The following EIF5 variants were observed in gnomAD, a reference collection of about 807,000 sequenced individuals.
EIF5 encodes the protein eukaryotic translation initiation factor 5.
In EIF5, 10 loss-of-function variants were observed where a neutral mutation model predicts 48.3. The observed-to-expected ratio is 0.21, with a 90% CI of 0.13 to 0.35. The LOEUF (loss-of-function observed/expected upper bound fraction) is 0.35, where lower values mean the gene tolerates loss of function less well. EIF5 is among the 10% of genes least tolerant of loss of function. The probability of loss-of-function intolerance (pLI) is 1.00; values close to 1 mark genes in which losing one functional copy is unlikely to be tolerated. For synonymous variants in EIF5, 237 were observed against 173.1 expected, an observed-to-expected ratio of 1.37 and a Z score of -2.90; for missense variants, 397 against 533.2, an observed-to-expected ratio of 0.74 and a Z score of 2.51.
Position 103,335,700 on chromosome 14 carries a change from A to G in EIF5, c.-161A>G. On this transcript the variant is annotated 5_prime_UTR_variant, in exon 3 of 12. Transcript: ENST00000216554. ...CCTGTATTGGGGAAACATAGCATACAAGCAAGAAGCTTACAGCCTCAGTGG... is the reference window on the plus strand; with the variant it reads ...CCTGTATTGGGGAAACATAGCATACGAGCAAGAAGCTTACAGCCTCAGTGG... The G allele has an allele frequency of 1.5e-6, 1 of 669,276 alleles. No individual in the cohort carries two copies. The highest frequency in any genetic ancestry group is 1.8e-5 in the South Asian group (1 of 54,338). 41.5% of individuals were successfully genotyped at this position (669,276 alleles called of 1,614,324 possible). A position where few individuals can be genotyped will look rare whatever the true frequency, so the allele number is the denominator to read the frequency against.
intron 6 of EIF5, chr14:103,338,109 C>T: frequency 4.3e-6 from 3 of 697,708 alleles, no homozygotes; most frequent in South Asian, 3.4e-5. Context: ...TACAATACCC[C>T]TAATATTTTG....
At chr14:103,336,362 C>T (rs192165367) in intron 4 of EIF5, 265 of 580,470 alleles carry the variant, frequency 4.6e-4, no homozygotes, top group African/African-American at 4.3e-3. Context: ...GCAAGCGGAT[C>T]GCGAGGTCAG....
chr14:103,336,283 G>A (rs762125835), intron 4 of EIF5, 166 bp downstream of exon 4: 23 of 753,636 alleles, frequency 3.1e-5, no homozygotes, highest in Middle Eastern at 3.7e-4. Context: ...CCAGGGGAAC[G>A]CATTTAAAGA....
In EIF5 at chr14:103,336,807, A is replaced by G. The variant is rs193302424; in HGVS notation, c.285A>G (p.Lys95=). The change falls in exon 5 of 12, where the codon AAA becomes AAG. Residue 95 remains lysine (K), a synonymous_variant. Coordinates refer to ENST00000216554, the MANE Select transcript of EIF5 (RefSeq NM_001969.5). ...ACATGTTGGATGGATTCATTAAAAAATTTGTTCTCTGTCCTGAATGTGAGA... is the reference window on the plus strand; with the variant it reads ...ACATGTTGGATGGATTCATTAAAAAGTTTGTTCTCTGTCCTGAATGTGAGA... The part of the protein sequence containing the change: ...LQDMLDGFIK[K]FVLCPECENP... The G allele has an allele frequency of 4.9e-5, 79 of 1,614,056 alleles. No individual in the cohort carries two copies. In the East Asian group the frequency reaches 1.2e-3, roughly 25 times the overall value.
Position 103,339,153 on chromosome 14 carries a change from G to C in EIF5, c.745-19G>C, listed in dbSNP as rs191929257. 10 of 1,599,302 alleles carry C rather than the reference G, an allele frequency of 6.3e-6. No individual in the cohort carries two copies. In the African/African-American group the frequency reaches 1.4e-4, roughly 22 times the overall value. ...AAGTGTGCCTCCATTGCACTGAATT[G>C]TTTTCCTTTTCTTTGCAGAAAAAGA... On this transcript the variant is annotated intron_variant, in intron 8 of 11. Transcript: ENST00000216554.
rs1038345413 is a variant in EIF5, at chr14:103,344,718, C to T, written c.*3666C>T. On this transcript the variant is annotated 3_prime_UTR_variant, in exon 12 of 12. Coordinates refer to ENST00000216554, the MANE Select transcript of EIF5 (RefSeq NM_001969.5). ...GGTCAGTTAACTAAAAAATAAAAAT[C>T]AAGTCTTTAGGAGAGTAGAAAACAC... The T allele has an allele frequency of 6.6e-6, 1 of 151,932 alleles. No individual in the cohort carries two copies. Among genetic ancestry groups the T allele is most frequent in the African/African-American group, 2.4e-5 (1 of 41,330 alleles). The allele number at this position is 151,932 out of a possible 1,614,324, so 9.4% of individuals were successfully genotyped here.
At chr14:103,337,873 C>T (rs1225164594) in intron 6 of EIF5, 4 of 520,518 alleles carry the variant, frequency 7.7e-6, no homozygotes, top group South Asian at 4.2e-5. Flanking sequence ...GGCAGATGAT[C>T]AAAACTGTCT....
At chr14:103,339,093 C>A in intron 8 of EIF5, 79 bp from the exon 9 acceptor site, 1 of 1,521,430 alleles carries the variant, frequency 6.6e-7, no homozygotes, top group Non-Finnish European at 8.8e-7. Context: ...ATATGTTCAT[C>A]AGAGCAGGGA....
At chr14:103,336,999 G>C in intron 5 of EIF5, 117 bp from the exon 6 acceptor site, 1 of 1,344,290 alleles carries the variant, frequency 7.4e-7, no homozygotes, top group Non-Finnish European at 1.0e-6. Flanking sequence ...TTTTTTTAAA[G>C]TAGGTCACTG....
In EIF5 at chr14:103,344,447, C is replaced by G. The variant is rs776033122; in HGVS notation, c.*3395C>G. 5 of 152,198 alleles carry G rather than the reference C, an allele frequency of 3.3e-5. No individual in the cohort carries two copies. The highest frequency in any genetic ancestry group is 7.3e-5 in the Non-Finnish European group (5 of 68,058). The allele number at this position is 152,198 out of a possible 1,614,324, so 9.4% of individuals were successfully genotyped here. On this transcript the variant is annotated 3_prime_UTR_variant, in exon 12 of 12. Coordinates refer to ENST00000216554, the MANE Select transcript of EIF5 (RefSeq NM_001969.5). ...GAGTTGACCCTGCAGTTCGGTTATG[C>G]AGTCAATTATTTCTTTTTAAGAGGA...
Position 103,338,423 on chromosome 14 carries a change from C to G in EIF5, c.536C>G (p.Pro179Arg). The change falls in exon 7 of 12, where the codon CCA becomes CGA. Residue 179 changes from proline (P) to arginine (R), a missense_variant. Around this residue, in one of 4 missense-constraint regions of EIF5, gnomAD observed 126 missense variants for 141.9 expected, o/e 0.89. Coordinates refer to ENST00000216554, the MANE Select transcript of EIF5 (RefSeq NM_001969.5). The stretch of plus-strand genomic sequence containing the variant: ...GGCTCCGTATCCAGCAGTGAGACAC[C>G]ACCACCACCACCACCACCAAATGAA... ...ENGSVSSSET[P>R]PPPPPPNEIN... 1 of 1,589,058 alleles carries G rather than the reference C, an allele frequency of 6.3e-7. No individual in the cohort carries two copies. Among genetic ancestry groups the G allele is most frequent in the African/African-American group, 1.4e-5 (1 of 73,828 alleles).
At chr14:103,340,378 A>G in intron 10 of EIF5, 49 bp from the exon 11 acceptor site, 1 of 1,577,042 alleles carries the variant, frequency 6.3e-7, no homozygotes, top group Non-Finnish European at 8.7e-7. Flanking sequence ...TAAATAATCA[A>G]AAGTTGTTAA....
At chr14:103,339,833 T>G in intron 10 of EIF5, 30 bp downstream of exon 10, 4 of 1,600,234 alleles carry the variant, frequency 2.5e-6, no homozygotes, top group Non-Finnish European at 3.4e-6. Flanking sequence ...GCTCTTAAAG[T>G]TCACAGGTTT....
intron 2 of EIF5, chr14:103,335,045 A>T (rs1333320113): frequency 6.6e-6 from 1 of 152,192 alleles, no homozygotes; most frequent in Non-Finnish European, 1.5e-5. Context: ...CGCGGTAGCC[A>T]TGGGGACCAG....
intron 4 of EIF5, 190 bp from the exon 5 acceptor site, chr14:103,336,487 G>A (rs1433967568): frequency 4.9e-6 from 3 of 609,140 alleles, no homozygotes; most frequent in Non-Finnish European, 8.3e-6. Context: ...AGGCTGAAGG[G>A]GGAGAATCGC....
chr14:103,339,581 G>C, intron 9 of EIF5, 58 bp from the exon 10 acceptor site: 1 of 1,608,762 alleles, frequency 6.2e-7, no homozygotes, highest in Non-Finnish European at 8.5e-7. Context: ...TTGGGTAATA[G>C]AGTTGTCAAC....
chr14:103,338,077 C>T (rs1301286169), intron 6 of EIF5: 3 of 611,816 alleles, frequency 4.9e-6, no homozygotes, highest in African/African-American at 1.8e-5. Flanking sequence ...ATCATCACTT[C>T]ATCTTACTCT....
In EIF5 at chr14:103,344,908, G is replaced by C. The variant is rs1269252917; in HGVS notation, c.*3856G>C. The C allele has an allele frequency of 1.3e-5, 2 of 152,158 alleles. No homozygotes were observed. The highest frequency in any genetic ancestry group is 6.5e-5 in the Admixed American group (1 of 15,278). The allele number at this position is 152,158 out of a possible 1,614,324, so 9.4% of individuals were successfully genotyped here. ...TTTACAAGAGCATCACCTAAAATGT[G>C]ACAAAAGATGTTGAAAGGATGAAAA... On this transcript the variant is annotated 3_prime_UTR_variant, in exon 12 of 12. Coordinates refer to ENST00000216554, the MANE Select transcript of EIF5 (RefSeq NM_001969.5).
At chr14:103,339,566 CT>C (rs1471872564) in intron 9 of EIF5, 72 bp from the exon 10 acceptor site, 2 of 1,601,568 alleles carry the variant, frequency 1.2e-6, no homozygotes, top group Admixed American at 3.4e-5. Flanking sequence ...TGCAGACACT[CT>C]TATTTGGGTA....
Sources: allele counts gnomAD v4.1 joint callset, GRCh38; gene constraint gnomAD v4.1.1; regional missense constraint gnomAD v4.1.1; transcripts MANE v1.5; gene names NCBI Gene and HGNC (gene_info 2026-07-23, HGNC 2026-07-21).